OR10K2: variants seen among roughly 807,000 people sequenced by gnomAD.
OR10K2 encodes olfactory receptor family 10 subfamily K member 2, also known as olfactory receptor 10K2.
For synonymous variants in OR10K2, 169 were observed against 146.4 expected (o/e 1.15, Z -1.11); for missense variants, 401 against 367.1 (o/e 1.09, Z -0.76).
intron 1 of OR10K2, among the ~76,000 whole-genome samples, chr1:158,424,374 A>G (rs1015849374): frequency 6.6e-6 from 1 of 152,006 alleles, no homozygotes; most frequent in African/African-American, 2.4e-5. Context: ...GACAAAAACA[A>G]AGAAAAAATA....
In OR10K2 at chr1:158,423,714, C is replaced by T. The variant is rs531653658; in HGVS notation, c.-62+2219G>A. Among the ~76,000 whole-genome samples, 10 of 152,084 alleles carry T rather than the reference C, an allele frequency of 6.6e-5. No homozygotes were observed. The South Asian group carries it at 1.9e-3, about 28-fold the overall frequency. On this transcript the variant is annotated intron_variant, in intron 1 of 1. Transcript: ENST00000641042. ...ATTGAAACTGATTTTTCTGTATTTT[C>T]TCAGGAAGAGAAAATTTAAGAGAAA...
At position 158,420,078 on chromosome 1, in the gene OR10K2, C is replaced by T. The variant is rs1324099919; in HGVS notation, c.789G>A (p.Gln263=). The T allele has an allele frequency of 1.9e-6, 3 of 1,613,470 alleles. No homozygotes were observed. Among genetic ancestry groups the T allele is most frequent in the South Asian group, 2.2e-5 (2 of 91,060 alleles). The change falls in exon 2 of 2, where the codon CAG becomes CAA. Residue 263 remains glutamine (Q), a synonymous_variant. Transcript: ENST00000641042. ...CATCCTGGCTTGAGGAGTAGTTGGA[C>T]TGAGGCCTTAAGTAGATAAAGGAGG... ...GCASFIYLRP[Q]SNYSSSQDAL...
At chr1:158,421,343 C>A (rs977210737) in intron 1 of OR10K2, among the ~76,000 whole-genome samples, 1 of 152,062 alleles carries the variant, frequency 6.6e-6, no homozygotes, top group Non-Finnish European at 1.5e-5. Context: ...ACACCTAAAC[C>A]CCCACTCTTA....
intron 1 of OR10K2, among the ~76,000 whole-genome samples, chr1:158,422,876 G>A (rs1212834610): frequency 6.6e-6 from 1 of 151,858 alleles, no homozygotes; most frequent in Non-Finnish European, 1.5e-5. Flanking sequence ...TGAGATGATG[G>A]ATATGCATTT....
chr1:158,420,309 C>A lies in OR10K2; in HGVS notation c.558G>T (p.Lys186Asn), dbSNP rs771087443. ...HFFCDIAPVLKLASHHNHFSQ... is the reference protein window; with the variant it reads ...HFFCDIAPVLNLASHHNHFSQ... ...TAAAGTGGTTATGGTGAGATGCCAGCTTGAGGACAGGAGCAATGTCACAGA... is the reference window on the plus strand; with the variant it reads ...TAAAGTGGTTATGGTGAGATGCCAGATTGAGGACAGGAGCAATGTCACAGA... Residue 186 changes from lysine (K) to asparagine (N), a missense_variant, in exon 2 of 2, where the codon AAG becomes AAT. Lys to Asn is a moderately conservative substitution (Grantham distance 94). Transcript: ENST00000641042. 7 of 1,613,812 alleles carry A rather than the reference C, an allele frequency of 4.3e-6. No homozygotes were observed. The Middle Eastern group carries it at 5.0e-4, about 114-fold the overall frequency.
rs1655087601 is a variant in OR10K2 at position 158,418,800 on chromosome 1, A to C, written c.*1128T>G. Reference sequence around the variant, plus strand: ...TTTTGCTATCACTCCTGCAGAAAGGACAGAGAATGAAAACATCAAATTCAA... The same window carrying C: ...TTTTGCTATCACTCCTGCAGAAAGGCCAGAGAATGAAAACATCAAATTCAA... On this transcript the variant is annotated 3_prime_UTR_variant, in exon 2 of 2. Transcript: ENST00000641042. 1.3e-5 allele frequency: 2 copies of C among 152,190 alleles called. No homozygotes were observed. Among genetic ancestry groups the C allele is most frequent in the African/African-American group, 4.8e-5 (2 of 41,464 alleles). The allele number at this position is 152,190 out of a possible 1,614,324, so 9.4% of individuals were successfully genotyped here. A position where few individuals can be genotyped will look rare whatever the true frequency, so the allele number is the denominator to read the frequency against.
In OR10K2 at chr1:158,418,217, G is replaced by C. The variant is rs1655077250; in HGVS notation, c.*1711C>G. 1 of 152,056 alleles carries C rather than the reference G, an allele frequency of 6.6e-6. No individual in the cohort carries two copies. The highest frequency in any genetic ancestry group is 1.9e-4 in the East Asian group (1 of 5,182). The allele number at this position is 152,056 out of a possible 1,614,324, so 9.4% of individuals were successfully genotyped here. A position where few individuals can be genotyped will look rare whatever the true frequency, so the allele number is the denominator to read the frequency against. ...TCAGTATTAATTCTTTTACTCATTA[G>C]TAGGCAAGTCATTTTATTTGTCTGA... On this transcript the variant is annotated 3_prime_UTR_variant, in exon 2 of 2. Coordinates refer to ENST00000641042, the MANE Select transcript of OR10K2 (RefSeq NM_001004476.2).
rs1176817915 is a variant in OR10K2 at position 158,419,501 on chromosome 1, G to A, written c.*427C>T. ...CTAAATTTTATATTTGGAGATGACG[G>A]GAAATGATCTATGTTCCTGAACATA... On this transcript the variant is annotated 3_prime_UTR_variant, in exon 2 of 2. Transcript: ENST00000641042. 6.5e-6 allele frequency: 1 copy of A among 154,486 alleles called. No individual in the cohort carries two copies. Among genetic ancestry groups the A allele is most frequent in the Admixed American group, 6.5e-5 (1 of 15,480 alleles). 9.6% of individuals were successfully genotyped at this position (154,486 alleles called of 1,614,324 possible).
chr1:158,424,737 C>CTGTGTGTGTG (rs146971622), intron 1 of OR10K2, among the ~76,000 whole-genome samples: 2,212 of 149,448 alleles, frequency 0.015, 54 homozygotes, highest in African/African-American at 0.05. Context: ...ACAGTACAAT[C>CTGTGTGTGTG]TGTGTGTGTG....
intron 1 of OR10K2, 143 bp from the exon 2 acceptor site, chr1:158,421,070 T>C: frequency 3.3e-6 from 2 of 606,802 alleles, no homozygotes; most frequent in Non-Finnish European, 5.8e-6. Flanking sequence ...AAACTTTGAG[T>C]CTCCATAGTA....
At chr1:158,421,053 G>A (rs1187335709) in intron 1 of OR10K2, 126 bp from the exon 2 acceptor site, 8 of 624,846 alleles carry the variant, frequency 1.3e-5, no homozygotes, top group South Asian at 4.1e-5. Flanking sequence ...TCAGGCAAGC[G>A]TTCATCAAAC....
At chr1:158,425,574 T>C (rs1371202440) in intron 1 of OR10K2, among the ~76,000 whole-genome samples, 2 of 152,062 alleles carry the variant, frequency 1.3e-5, no homozygotes, top group Non-Finnish European at 2.9e-5. Context: ...CTGTCAATTA[T>C]AACTATTTTC....
At chr1:158,424,886 T>A (rs1655222121) in intron 1 of OR10K2, among the ~76,000 whole-genome samples, 1 of 152,050 alleles carries the variant, frequency 6.6e-6, no homozygotes, top group Non-Finnish European at 1.5e-5. Context: ...AGGACTTTGA[T>A]GAGTCTGAAT....
chr1:158,420,992 A>G (rs894455979), intron 1 of OR10K2, 65 bp from the exon 2 acceptor site: 9 of 854,824 alleles, frequency 1.1e-5, no homozygotes, highest in South Asian at 1.8e-5. Context: ...TGAATTCTGA[A>G]CTCATCTTTT....
At chr1:158,422,779 A>G (rs1655183714) in intron 1 of OR10K2, among the ~76,000 whole-genome samples, 2 of 152,024 alleles carry the variant, frequency 1.3e-5, no homozygotes, top group South Asian at 4.1e-4. Flanking sequence ...ATGAAGATAC[A>G]CATTTAAATA....
intron 1 of OR10K2, among the ~76,000 whole-genome samples, chr1:158,423,378 G>C (rs191418954): frequency 1.9e-4 from 29 of 151,970 alleles, no homozygotes; most frequent in Admixed American, 1.5e-3. Context: ...GTAAAGTTGA[G>C]TAATGTAGGA....
rs1319979261 is a variant in OR10K2 at position 158,419,287 on chromosome 1, A to G, written c.*641T>C. 6.5e-6 allele frequency: 1 copy of G among 154,878 alleles called. No individual in the cohort carries two copies. Among genetic ancestry groups the G allele is most frequent in the Non-Finnish European group, 1.5e-5 (1 of 68,348 alleles). The allele number at this position is 154,878 out of a possible 1,614,324, so 9.6% of individuals were successfully genotyped here. Reference sequence around the variant, plus strand: ...TCCTGAGTCCCTAGAACAGAGAGTTAGGGTTGTGCCACATTTTGCAGGGTT... The same window carrying G: ...TCCTGAGTCCCTAGAACAGAGAGTTGGGGTTGTGCCACATTTTGCAGGGTT... On this transcript the variant is annotated 3_prime_UTR_variant, in exon 2 of 2. Transcript: ENST00000641042.
At chr1:158,421,346 C>T (rs1324419440) in intron 1 of OR10K2, among the ~76,000 whole-genome samples, 1 of 152,120 alleles carries the variant, frequency 6.6e-6, no homozygotes, top group African/African-American at 2.4e-5. Flanking sequence ...CCTAAACCCC[C>T]ACTCTTAGTT....
rs753174506 is a variant in OR10K2 at position 158,420,255 on chromosome 1, T to C, written c.612A>G (p.Thr204=). 6.2e-7 allele frequency: 1 copy of C among 1,613,602 alleles called. No homozygotes were observed. Among genetic ancestry groups the C allele is most frequent in the African/African-American group, 1.3e-5 (1 of 74,858 alleles). ...ACAATAAGGGGATAGCCAGGACCAA[T>C]GTACAGAGCATGAAGATGACAATCT... ...FSQIVIFMLC[T]LVLAIPLLLI... is the part of the protein sequence containing the mutation. Residue 204 remains threonine, a synonymous_variant, in exon 2 of 2, where the codon ACA becomes ACG. Transcript: ENST00000641042.
Sources: gnomAD v4.1 joint callset for allele counts (sites outside exome capture counted in the v4.1 genomes callset) on GRCh38, gnomAD v4.1.1 for gene constraint, MANE v1.5 for transcripts, NCBI Gene and HGNC (gene_info 2026-07-23, HGNC 2026-07-21) for gene names.